LINC00632: variants seen among roughly 807,000 people sequenced by gnomAD.
LINC00632 encodes the protein long independently transcribed non-coding RNA 632.
chrX:140,772,187 G>A (rs186517918), exon 4 of LINC00632: 223 of 293,839 alleles, frequency 7.6e-4, no homozygotes, highest in Non-Finnish European at 1.1e-3. Flanking sequence ...CCCTAAGTCC[G>A]CGCCTTTGAG....
exon 5 of LINC00632, chrX:140,784,832 G>A (rs1378762946): frequency 3.5e-5 from 5 of 144,802 alleles, no homozygotes; most frequent in Non-Finnish European, 7.5e-5. Context: ...ACATTTAATG[G>A]GACATTCCTC....
At chrX:140,732,310 A>G (rs764750475) in intron 2 of LINC00632, among the ~76,000 whole-genome samples, 2 of 112,447 alleles carry the variant, frequency 1.8e-5, no homozygotes, top group Non-Finnish European at 3.8e-5. Context: ...GCACAGGCAG[A>G]TGTACACTCA....
At chrX:140,715,193 C>T (rs745430530) in intron 2 of LINC00632, among the ~76,000 whole-genome samples, 9 of 111,822 alleles carry the variant, frequency 8.0e-5, no homozygotes, top group African/African-American at 2.9e-4. Context: ...ACCCATCCCA[C>T]AATACTGATG....
At chrX:140,755,018 G>A (rs1053852198) in intron 3 of LINC00632, among the ~76,000 whole-genome samples, 2 of 111,530 alleles carry the variant, frequency 1.8e-5, no homozygotes, top group Non-Finnish European at 3.8e-5. Flanking sequence ...AGAGCCGTAG[G>A]TACTTGCCCA....
At chrX:140,723,496 G>T (rs866986760) in intron 2 of LINC00632, among the ~76,000 whole-genome samples, 1 of 2,899 alleles carries the variant, frequency 3.4e-4, no homozygotes, top group African/African-American at 1.4e-3. Context: ...TTCCATACAC[G>T]CACACACACA....
intron 2 of LINC00632, among the ~76,000 whole-genome samples, chrX:140,726,975 A>G (rs1208404926): frequency 2.7e-5 from 3 of 111,431 alleles, no homozygotes; most frequent in Non-Finnish European, 5.6e-5. Flanking sequence ...CCCACTCTGT[A>G]TGGAGTTCTA....
rs1443928467 is a variant in LINC00632 at position 140,740,545 on chromosome X, G to GT, written n.191+6591dup. On this transcript the variant is annotated intron_variant and non_coding_transcript_variant, in intron 3 of 4. Coordinates refer to ENST00000648200, the Ensembl canonical transcript of LINC00632. ...ATTTACAAGAAGTAACAAAGTGAAT[G>GT]TTTTTTTTTTGCAACGAGAAGAATA... is the stretch of plus-strand genomic sequence containing the variant. 3.6e-3 allele frequency among the ~76,000 whole-genome samples: 377 copies of GT among 105,203 alleles called. 1 individual carries two copies. The highest frequency in any genetic ancestry group is 4.8e-3 in the Non-Finnish European group (244 of 50,874). The allele number at this position is 105,203 out of a possible 115,157, so 91.4% of individuals were successfully genotyped here.
intron 2 of LINC00632, among the ~76,000 whole-genome samples, chrX:140,718,860 T>A: frequency 8.9e-6 from 1 of 112,148 alleles, no homozygotes; most frequent in Non-Finnish European, 1.9e-5. Flanking sequence ...CATCTCAGTT[T>A]AAGCAAATGC....
chrX:140,716,675 A>G (rs1052041987), intron 2 of LINC00632, among the ~76,000 whole-genome samples: 5 of 108,998 alleles, frequency 4.6e-5, no homozygotes, highest in African/African-American at 1.7e-4. Flanking sequence ...ACTAGTAACA[A>G]ATTTGTGCAC....
At chrX:140,717,984 A>G (rs1379561226) in intron 2 of LINC00632, among the ~76,000 whole-genome samples, 1 of 109,768 alleles carries the variant, frequency 9.1e-6, no homozygotes, top group East Asian at 2.9e-4. Flanking sequence ...TAAAAATACA[A>G]AATTAGCCGG....
At chrX:140,725,250 CAT>C (rs1320350628) in intron 2 of LINC00632, among the ~76,000 whole-genome samples, 1 of 102,996 alleles carries the variant, frequency 9.7e-6, no homozygotes, top group Non-Finnish European at 2.0e-5. Flanking sequence ...CACACACACA[CAT>C]TCCGTACACA....
At chrX:140,764,676 G>T (rs1359958983) in intron 3 of LINC00632, 1 of 112,061 alleles carries the variant, frequency 8.9e-6, no homozygotes, top group Non-Finnish European at 1.9e-5. Context: ...AGGAGATTGC[G>T]TGGCTCGGAG....
chrX:140,730,626 C>T (rs12011222), intron 2 of LINC00632, among the ~76,000 whole-genome samples: 59,679 of 109,833 alleles, frequency 0.54, 13,358 homozygotes, highest in African/African-American at 0.86. Flanking sequence ...TAATCCACAA[C>T]GCACATGCTC....
At chrX:140,734,719 T>A (rs188761268) in intron 3 of LINC00632, among the ~76,000 whole-genome samples, 3 of 109,030 alleles carry the variant, frequency 2.8e-5, no homozygotes, top group Non-Finnish European at 5.7e-5. Flanking sequence ...ATTTGGTAAG[T>A]AATCAGTAAA....
At chrX:140,750,921 GC>G (rs1195924693) in intron 3 of LINC00632, among the ~76,000 whole-genome samples, 1 of 111,675 alleles carries the variant, frequency 9.0e-6, no homozygotes, top group Non-Finnish European at 1.9e-5. Flanking sequence ...ATGGCCTCCA[GC>G]TGCATCCAAG....
chrX:140,751,501 C>T (rs1435147369), intron 3 of LINC00632, among the ~76,000 whole-genome samples: 1 of 110,939 alleles, frequency 9.0e-6, no homozygotes, highest in Non-Finnish European at 1.9e-5. Context: ...GACTTCATAA[C>T]CTAAACCGAT....
chrX:140,748,734 G>T (rs988239674), intron 3 of LINC00632, among the ~76,000 whole-genome samples: 4 of 107,856 alleles, frequency 3.7e-5, no homozygotes, highest in African/African-American at 1.3e-4. Context: ...GGGTTATTGT[G>T]AGGGCAAGTG....
intron 2 of LINC00632, chrX:140,713,496 G>C (rs1318626620): frequency 3.0e-6 from 1 of 336,506 alleles, no homozygotes; most frequent in Non-Finnish European, 6.0e-6. Flanking sequence ...TTATGTAAGT[G>C]TTGTCTATTA....
intron 3 of LINC00632, among the ~76,000 whole-genome samples, chrX:140,767,475 A>G (rs1250730510): frequency 1.8e-5 from 2 of 111,639 alleles, no homozygotes; most frequent in Non-Finnish European, 3.8e-5. Flanking sequence ...ATTCATTTGC[A>G]TATAATATTG....
Sources: allele counts gnomAD v4.1 joint callset (sites outside exome capture counted in the v4.1 genomes callset), GRCh38; gene constraint gnomAD v4.1.1; transcripts MANE v1.5; gene names NCBI Gene and HGNC (gene_info 2026-07-23, HGNC 2026-07-21).